Variants in ZNF618 observed in about 807,000 individuals in gnomAD.
ZNF618 encodes zinc finger protein 618.
In ZNF618, 34 loss-of-function variants were observed where a neutral mutation model predicts 103.0. The ratio of observed to expected loss-of-function variants is 0.33; its 90% CI spans 0.25 to 0.44. ZNF618 has a LOEUF of 0.44. Among genes scored for constraint, ZNF618 ranks in the 20% least tolerant of loss-of-function variants. The pLI is 1.00. For synonymous variants in ZNF618, 551 were observed against 542.2 expected (o/e 1.02, Z -0.23); for missense variants, 1,059 against 1,295.4 (o/e 0.82, Z 2.80).
In ZNF618 at chr9:114,008,446, AG is replaced by A. The variant is rs200172586; in HGVS notation, c.677-28del. On this transcript the variant is annotated intron_variant, in intron 8 of 14. Coordinates refer to ENST00000374126, the MANE Select transcript of ZNF618 (RefSeq NM_001318042.2). ...CTGGGCTCCTGAGACCTGGGGGACC[AG>A]GGTGCTAAGGGCCGTGTGTTCTCCC... 5,916 of 1,613,900 alleles carry A rather than the reference AG, an allele frequency of 3.7e-3. 215 individuals are homozygous for A. The African/African-American group carries it at 0.07, about 19-fold the overall frequency.
In ZNF618 at chr9:114,054,950, G is replaced by T. The variant is rs950946489; in HGVS notation, c.*4783G>T. ...CCGTCCCTTCCCCCCCCACCCCCCC[G>T]CCCACCCACCACGGGTGTCGCTTTA... is the stretch of plus-strand genomic sequence containing the variant. On this transcript the variant is annotated 3_prime_UTR_variant, in exon 15 of 15. Coordinates refer to ENST00000374126, the MANE Select transcript of ZNF618 (RefSeq NM_001318042.2). The T allele has an allele frequency of 2.6e-5, 1 of 39,098 alleles. No homozygotes were observed. The highest frequency in any genetic ancestry group is 5.6e-5 in the Non-Finnish European group (1 of 17,912). 2.4% of individuals were successfully genotyped at this position (39,098 alleles called of 1,614,324 possible). A position where few individuals can be genotyped will look rare whatever the true frequency, so the allele number is the denominator to read the frequency against.
chr9:113,916,084 G>A (rs1211205768), intron 1 of ZNF618, among the ~76,000 whole-genome samples: 1 of 151,872 alleles, frequency 6.6e-6, no homozygotes, highest in African/African-American at 2.4e-5. Context: ...GTGTGTGTGT[G>A]TGTGTGTGTG....
At chr9:114,019,216 T>C (rs1306561871) in intron 10 of ZNF618, among the ~76,000 whole-genome samples, 1 of 152,254 alleles carries the variant, frequency 6.6e-6, no homozygotes, top group African/African-American at 2.4e-5. Flanking sequence ...CAATGTTCTA[T>C]TGTATGAAAA....
intron 1 of ZNF618, among the ~76,000 whole-genome samples, chr9:113,945,193 C>A (rs1426612411): frequency 6.6e-6 from 1 of 152,118 alleles, no homozygotes; most frequent in African/African-American, 2.4e-5. Context: ...CATGCTGTTC[C>A]CATTGTGTGG....
chr9:114,036,652 C>T (rs935806663), intron 13 of ZNF618, among the ~76,000 whole-genome samples: 5 of 152,202 alleles, frequency 3.3e-5, no homozygotes, highest in Admixed American at 2.6e-4. Flanking sequence ...AGGTGGTGGC[C>T]TCTTGGCTGG....
intron 1 of ZNF618, among the ~76,000 whole-genome samples, chr9:113,912,910 G>A (rs977624182): frequency 6.6e-6 from 1 of 152,146 alleles, no homozygotes; most frequent in African/African-American, 2.4e-5. Flanking sequence ...GGCCTGGGCT[G>A]TTTTGTACCA....
intron 11 of ZNF618, among the ~76,000 whole-genome samples, chr9:114,030,552 A>G (rs899886384): frequency 3.3e-5 from 5 of 152,164 alleles, no homozygotes; most frequent in African/African-American, 9.7e-5. Flanking sequence ...TCAGCAAGCT[A>G]TGGGACAGGC....
intron 3 of ZNF618, among the ~76,000 whole-genome samples, chr9:113,991,961 CTTTTCTGCCTAGGGATGGGGG>C (rs1162674762): frequency 6.6e-6 from 1 of 152,310 alleles, no homozygotes; most frequent in South Asian, 2.1e-4. Flanking sequence ...GGAAGTCAGG[CTTTTCTGCCTAGGGATGGGGG>C]TTTTCTTCCA....
intron 1 of ZNF618, among the ~76,000 whole-genome samples, chr9:113,888,883 C>T (rs1465218629): frequency 2.0e-5 from 3 of 152,124 alleles, no homozygotes; most frequent in African/African-American, 4.8e-5. Flanking sequence ...GTAAGAGAGG[C>T]TTGGAATAGC....
chr9:114,050,217 A>G lies in ZNF618; in HGVS notation c.*50A>G. ...AGAAAAAGAGAAGATAACATTAGAA[A>G]AAAACCACACAACACTGTCACAAAG... On this transcript the variant is annotated 3_prime_UTR_variant, in exon 15 of 15. Transcript: ENST00000374126. The G allele has an allele frequency of 6.7e-7, 1 of 1,498,828 alleles. No individual in the cohort carries two copies. 92.8% of individuals were successfully genotyped at this position (1,498,828 alleles called of 1,614,324 possible).
Position 114,049,487 on chromosome 9 carries a change from A to G in ZNF618, c.2185A>G (p.Lys729Glu). 6.2e-7 allele frequency: 1 copy of G among 1,613,086 alleles called. No homozygotes were observed. Among genetic ancestry groups the G allele is most frequent in the South Asian group, 1.1e-5 (1 of 90,898 alleles). ...KKMNLIQSLN[K>E]HLLSNLAAIL... is the part of the protein sequence containing the mutation. ...GATGAACCTCATCCAGAGCCTCAACAAGCACCTGCTCAGCAACCTGGCGGC... is the reference window on the plus strand; with the variant it reads ...GATGAACCTCATCCAGAGCCTCAACGAGCACCTGCTCAGCAACCTGGCGGC... Residue 729 changes from lysine to glutamate, a missense_variant, in exon 15 of 15, where the codon AAG becomes GAG. Around this residue, in one of 6 missense-constraint regions of ZNF618, gnomAD observed 272 missense variants for 380.1 expected, o/e 0.72. Coordinates refer to ENST00000374126, the MANE Select transcript of ZNF618 (RefSeq NM_001318042.2).
intron 2 of ZNF618, among the ~76,000 whole-genome samples, chr9:113,986,640 A>G (rs976311618): frequency 2.6e-5 from 4 of 152,084 alleles, no homozygotes; most frequent in African/African-American, 9.7e-5. Context: ...GTGTGACCTC[A>G]TTTAACCACA....
intron 1 of ZNF618, among the ~76,000 whole-genome samples, chr9:113,889,317 A>ATCTCTCTCTCTCTCTCTCTC (rs10627696): frequency 7.2e-6 from 1 of 139,256 alleles, no homozygotes; most frequent in Non-Finnish European, 1.5e-5. Context: ...CCCCGCTACC[A>ATCTCTCTCTCTCTCTCTCTC]TCTCTCTCTC....
intron 1 of ZNF618, among the ~76,000 whole-genome samples, chr9:113,940,818 T>G (rs1413803454): frequency 2.0e-5 from 3 of 152,208 alleles, no homozygotes; most frequent in Admixed American, 2.0e-4. Flanking sequence ...TTAGCCTTTC[T>G]GACTCTTTTT....
At position 113,955,146 on chromosome 9, in the gene ZNF618, C is replaced by CTT. The variant is rs3034066; in HGVS notation, c.34-13956_34-13955dup. 1.4e-3 allele frequency among the ~76,000 whole-genome samples: 188 copies of CTT among 130,544 alleles called. 1 individual carries two copies. Among genetic ancestry groups the CTT allele is most frequent in the African/African-American group, 4.6e-3 (163 of 35,794 alleles). 85.6% of individuals were successfully genotyped at this position (130,544 alleles called of 152,430 possible). A position where few individuals can be genotyped will look rare whatever the true frequency, so the allele number is the denominator to read the frequency against. ...ATTTAAAGGGCCTAGAGTGACTTCT[C>CTT]TTTTTTTTTTTTTTTTGTCTATCCT... is the stretch of plus-strand genomic sequence containing the variant. On this transcript the variant is annotated intron_variant, in intron 1 of 14. Transcript: ENST00000374126.
rs1371342103 is a variant in ZNF618 at position 114,001,283 on chromosome 9, G to GA, written c.434-713_434-712insA. Among the ~76,000 whole-genome samples the GA allele has an allele frequency of 5.3e-5, 8 of 151,988 alleles. No homozygotes were observed. The East Asian group carries it at 1.6e-3, about 30-fold the overall frequency. ...AGAAGGGCCTGGCAAGGGGCTGGGG[G>GA]GGCCAGGCATTTACACCATGTCGGT... is the stretch of plus-strand genomic sequence containing the variant. On this transcript the variant is annotated intron_variant, in intron 4 of 14. Coordinates refer to ENST00000374126, the MANE Select transcript of ZNF618 (RefSeq NM_001318042.2).
At chr9:113,918,275 A>G (rs555773735) in intron 1 of ZNF618, among the ~76,000 whole-genome samples, 2 of 152,148 alleles carry the variant, frequency 1.3e-5, no homozygotes, top group Non-Finnish European at 1.5e-5. Context: ...ACTACTGGTG[A>G]TGTTAGTGTT....
intron 1 of ZNF618, among the ~76,000 whole-genome samples, chr9:113,897,139 C>G (rs924238749): frequency 1.3e-5 from 2 of 152,074 alleles, no homozygotes; most frequent in Non-Finnish European, 2.9e-5. Context: ...ATGGAACTTA[C>G]CCCCGTTTAT....
chr9:114,040,748 G>T (rs1414683604), intron 13 of ZNF618, among the ~76,000 whole-genome samples: 12 of 152,250 alleles, frequency 7.9e-5, no homozygotes, highest in African/African-American at 2.6e-4. Flanking sequence ...CATTTGGGTT[G>T]GTTCCAAGTC....
Sources: allele counts gnomAD v4.1 joint callset (sites outside exome capture counted in the v4.1 genomes callset), GRCh38; gene constraint gnomAD v4.1.1; regional missense constraint gnomAD v4.1.1; transcripts MANE v1.5; gene names NCBI Gene and HGNC (gene_info 2026-07-23, HGNC 2026-07-21).